The following HCN1 variants were observed in gnomAD, a reference collection of about 807,000 sequenced individuals.
HCN1 encodes the protein potassium/sodium hyperpolarization-activated cyclic nucleotide-gated channel 1.
Under a neutral mutation model 78.9 loss-of-function variants are expected in HCN1, and 13 were observed. That is an observed-to-expected ratio of 0.16 (90% CI 0.11 to 0.26). HCN1 has a LOEUF of 0.26. Ranked by LOEUF, HCN1 falls within the 10% of genes least tolerant of loss-of-function variation. The probability of loss-of-function intolerance (pLI) is 1.00; values close to 1 mark genes in which losing one functional copy is unlikely to be tolerated. For synonymous variants in HCN1, 552 were observed against 455.5 expected (o/e 1.21, Z -2.70); for missense variants, 810 against 1,154.3 (o/e 0.70, Z 4.32).
At chr5:45,387,317 A>G (rs1230116162) in intron 4 of HCN1, among the ~76,000 whole-genome samples, 6 of 152,070 alleles carry the variant, frequency 3.9e-5, no homozygotes, top group African/African-American at 1.4e-4. Flanking sequence ...ACTATTTATG[A>G]TACAAATAAT....
At chr5:45,447,963 C>T (rs753921844) in intron 3 of HCN1, among the ~76,000 whole-genome samples, 5 of 151,678 alleles carry the variant, frequency 3.3e-5, no homozygotes, top group African/African-American at 7.3e-5. Context: ...TCTCTGACCA[C>T]GCAACACAAA....
At chr5:45,546,034 T>C (rs761904271) in intron 2 of HCN1, among the ~76,000 whole-genome samples, 12 of 152,042 alleles carry the variant, frequency 7.9e-5, no homozygotes, top group Non-Finnish European at 1.5e-4. Flanking sequence ...ACAATGTAAA[T>C]GATTTGTAAA....
chr5:45,549,284 G>T (rs1320691804), intron 2 of HCN1, among the ~76,000 whole-genome samples: 1 of 152,048 alleles, frequency 6.6e-6, no homozygotes, highest in Non-Finnish European at 1.5e-5. Flanking sequence ...GCATGGTACT[G>T]GTACCAAAAC....
At chr5:45,638,200 T>G (rs1038815477) in intron 2 of HCN1, among the ~76,000 whole-genome samples, 1 of 152,052 alleles carries the variant, frequency 6.6e-6, no homozygotes, top group Non-Finnish European at 1.5e-5. Flanking sequence ...AAAGGAGATT[T>G]AAAGAAAAAA....
intron 4 of HCN1, among the ~76,000 whole-genome samples, chr5:45,364,504 T>C (rs142232756): frequency 6.6e-6 from 1 of 152,204 alleles, no homozygotes; most frequent in African/African-American, 2.4e-5. Flanking sequence ...TTTAAACATC[T>C]ACCCTTACAA....
At chr5:45,367,501 G>A (rs1747259730) in intron 4 of HCN1, among the ~76,000 whole-genome samples, 1 of 151,822 alleles carries the variant, frequency 6.6e-6, no homozygotes, top group Non-Finnish European at 1.5e-5. Flanking sequence ...AGCAACTCAG[G>A]AAAGTAGCAT....
chr5:45,545,953 T>A (rs1480364652), intron 2 of HCN1, among the ~76,000 whole-genome samples: 1 of 152,052 alleles, frequency 6.6e-6, no homozygotes, highest in Non-Finnish European at 1.5e-5. Context: ...ATGCTCCGTG[T>A]AATCTTCATT....
At chr5:45,273,811 T>C (rs1165017944) in intron 6 of HCN1, among the ~76,000 whole-genome samples, 1 of 151,974 alleles carries the variant, frequency 6.6e-6, no homozygotes, top group Non-Finnish European at 1.5e-5. Flanking sequence ...TTTCTTTTTG[T>C]CTTTGTAGAC....
intron 2 of HCN1, among the ~76,000 whole-genome samples, chr5:45,474,412 T>G (rs1741471331): frequency 6.6e-6 from 1 of 151,914 alleles, no homozygotes; most frequent in Non-Finnish European, 1.5e-5. Context: ...ATTTTTAAAC[T>G]GTAAATTCCC....
intron 3 of HCN1, among the ~76,000 whole-genome samples, chr5:45,455,920 G>T (rs1351261649): frequency 6.6e-6 from 1 of 151,848 alleles, no homozygotes; most frequent in East Asian, 1.9e-4. Flanking sequence ...AATATGGAAA[G>T]CACGTGGCTA....
At chr5:45,316,985 C>T (rs1266469372) in intron 5 of HCN1, among the ~76,000 whole-genome samples, 3 of 152,168 alleles carry the variant, frequency 2.0e-5, no homozygotes, top group African/African-American at 7.2e-5. Context: ...AATGGCCATA[C>T]TGCCCAAGGT....
intron 3 of HCN1, among the ~76,000 whole-genome samples, chr5:45,402,813 C>CTCCTTCCTTCCTTCCTTCCTTCCT (rs71000635): frequency 5.7e-4 from 56 of 98,430 alleles, no homozygotes; most frequent in African/African-American, 1.5e-3. Context: ...CCTTTCTTTC[C>CTCCTTCCTTCCTTCCTTCCTTCCT]TCCTTCCTTC....
chr5:45,322,485 T>C (rs147310534), intron 5 of HCN1, among the ~76,000 whole-genome samples: 1 of 151,986 alleles, frequency 6.6e-6, no homozygotes, highest in Admixed American at 6.6e-5. Flanking sequence ...ACCAGAAATG[T>C]GGCAGATTCT....
At chr5:45,421,060 T>G (rs986459743) in intron 3 of HCN1, among the ~76,000 whole-genome samples, 1 of 152,016 alleles carries the variant, frequency 6.6e-6, no homozygotes, top group South Asian at 2.1e-4. Context: ...TCTCTTTCTC[T>G]CTTTCTTCTT....
chr5:45,351,155 A>T (rs1473915417), intron 5 of HCN1, among the ~76,000 whole-genome samples: 1 of 152,176 alleles, frequency 6.6e-6, no homozygotes, highest in Non-Finnish European at 1.5e-5. Flanking sequence ...CCAAAACAGC[A>T]TGGTACTGAT....
At chr5:45,678,920 T>C (rs2112085921) in intron 1 of HCN1, among the ~76,000 whole-genome samples, 1 of 152,086 alleles carries the variant, frequency 6.6e-6, no homozygotes, top group East Asian at 1.9e-4. Context: ...TCCAACATGA[T>C]GAACTACAAA....
chr5:45,466,357 TA>T (rs2111638306), intron 2 of HCN1, among the ~76,000 whole-genome samples: 1 of 152,338 alleles, frequency 6.6e-6, no homozygotes, highest in Admixed American at 6.5e-5. Flanking sequence ...TATTGTGCAT[TA>T]AACTGCTTTT....
Position 45,262,071 on chromosome 5 carries a change from G to C in HCN1, c.2523C>G (p.Leu841=). Residue 841 remains leucine (L), a synonymous_variant, in exon 8 of 8, where the codon CTC becomes CTG. Transcript: ENST00000303230. ...TGGCTCCCGACGACATCTGTCGGAA[G>C]AGGGTGACGCGCTGCGGGACAGTGC... ...GRSTVPQRVT[L]FRQMSSGAIP... 6.2e-7 allele frequency: 1 copy of C among 1,613,852 alleles called. No individual in the cohort carries two copies. Among genetic ancestry groups the C allele is most frequent in the East Asian group, 2.2e-5 (1 of 44,852 alleles).
chr5:45,695,058 G>T (rs980989141), intron 1 of HCN1: 6 of 152,622 alleles, frequency 3.9e-5, no homozygotes, highest in Non-Finnish European at 5.8e-5. Flanking sequence ...GAGACCTCAC[G>T]TCAGGGACTA....
Sources: gnomAD v4.1 joint callset for allele counts (sites outside exome capture counted in the v4.1 genomes callset) on GRCh38, gnomAD v4.1.1 for gene constraint, MANE v1.5 for transcripts, NCBI Gene and HGNC (gene_info 2026-07-23, HGNC 2026-07-21) for gene names.